Variants in PPIL4 observed in about 807,000 individuals in gnomAD.
PPIL4 encodes the protein peptidyl-prolyl cis-trans isomerase-like 4.
Under a neutral mutation model 69.1 loss-of-function variants are expected in PPIL4, and 50 were observed. The ratio of observed to expected loss-of-function variants is 0.72; its 90% CI spans 0.58 to 0.92. PPIL4 has a LOEUF of 0.92. Among genes scored for constraint, PPIL4 ranks in the 40% least tolerant of loss-of-function variants. The probability of loss-of-function intolerance (pLI) is 0.00; values close to 1 mark genes in which losing one functional copy is unlikely to be tolerated. For missense variants in PPIL4, 480 were observed against 587.9 expected (o/e 0.82, Z 1.90); for synonymous variants, 193 against 191.6 (o/e 1.01, Z -0.06).
chr6:149,512,081 A>C (rs1776853027), intron 12 of PPIL4, 74 bp downstream of exon 12: 1 of 1,269,640 alleles, frequency 7.9e-7, no homozygotes, highest in Admixed American at 2.4e-5. Context: ...CTCCTAAATT[A>C]TATCACTAAG....
At chr6:149,506,900 T>C (rs1776779083) in intron 12 of PPIL4, among the ~76,000 whole-genome samples, 1 of 152,180 alleles carries the variant, frequency 6.6e-6, no homozygotes, top group African/African-American at 2.4e-5. Context: ...ACTCAGCTGA[T>C]TAGGCTTATG....
At chr6:149,519,678 TTAA>T (rs148323598) in intron 10 of PPIL4, among the ~76,000 whole-genome samples, 3,491 of 152,288 alleles carry the variant, frequency 0.023, 117 homozygotes, top group African/African-American at 0.079. Flanking sequence ...TTTAGTCACA[TTAA>T]TAATTTCTTC....
chr6:149,538,136 C>T (rs145591165), intron 4 of PPIL4, among the ~76,000 whole-genome samples: 3,524 of 152,044 alleles, frequency 0.023, 122 homozygotes, highest in African/African-American at 0.08. Context: ...CGTAGTGGTG[C>T]ACACCTGTAA....
At chr6:149,519,388 C>G (rs1776995968) in intron 10 of PPIL4, among the ~76,000 whole-genome samples, 1 of 152,136 alleles carries the variant, frequency 6.6e-6, no homozygotes, top group African/African-American at 2.4e-5. Flanking sequence ...TTACTACTGG[C>G]CAGAACTACA....
intron 12 of PPIL4, among the ~76,000 whole-genome samples, chr6:149,510,296 C>T (rs1776823922): frequency 1.3e-5 from 2 of 151,818 alleles, no homozygotes; most frequent in African/African-American, 4.8e-5. Context: ...AAATAGTTAC[C>T]CACAGAGGGA....
At chr6:149,529,711 C>T (rs1471945627) in intron 7 of PPIL4, among the ~76,000 whole-genome samples, 1 of 144,490 alleles carries the variant, frequency 6.9e-6, no homozygotes, top group African/African-American at 2.6e-5. Context: ...TGCAGTGAGC[C>T]GAGATAATGC....
chr6:149,544,308 A>G (rs2115042557), intron 1 of PPIL4, among the ~76,000 whole-genome samples: 1 of 152,350 alleles, frequency 6.6e-6, no homozygotes, highest in African/African-American at 2.4e-5. Context: ...GAGGCAACCA[A>G]TTATTTTGTT....
intron 11 of PPIL4, among the ~76,000 whole-genome samples, chr6:149,516,136 T>C (rs547662311): frequency 4.6e-5 from 7 of 152,362 alleles, no homozygotes; most frequent in South Asian, 2.1e-4. Flanking sequence ...CTTCCAGCTA[T>C]AGTTATTAGT....
At position 149,535,596 on chromosome 6, in the gene PPIL4, C is replaced by G; in HGVS notation, c.464G>C (p.Arg155Thr). ...TTCAGATAGCAAATTGTAACCATAC[C>G]TGATATCCTGATATGGTACAAAGTC... is the stretch of plus-strand genomic sequence containing the variant. ...DKDFVPYQDI[R>T]INHTVILDDP... is the part of the protein sequence containing the mutation. The change falls in exon 5 of 13, where the codon AGG (arginine) becomes ACG (threonine). Residue 155 changes from arginine (R) to threonine (T), a missense_variant and splice_region_variant. Coordinates refer to ENST00000253329, the MANE Select transcript of PPIL4 (RefSeq NM_139126.4). The G allele has an allele frequency of 6.2e-7, 1 of 1,607,478 alleles. No individual in the cohort carries two copies. Among genetic ancestry groups the G allele is most frequent in the Non-Finnish European group, 8.5e-7 (1 of 1,176,980 alleles).
chr6:149,521,766 G>C (rs1433028632), intron 9 of PPIL4, among the ~76,000 whole-genome samples: 1 of 152,112 alleles, frequency 6.6e-6, no homozygotes, highest in African/African-American at 2.4e-5. Flanking sequence ...TCTGAATTCT[G>C]AAAAATTCTG....
chr6:149,506,444 C>T (rs539460914), intron 12 of PPIL4, among the ~76,000 whole-genome samples: 8 of 152,282 alleles, frequency 5.3e-5, no homozygotes, highest in African/African-American at 1.9e-4. Flanking sequence ...TGCACTCCAG[C>T]CTGGGCAACA....
intron 9 of PPIL4, among the ~76,000 whole-genome samples, chr6:149,524,656 T>G (rs1583207939): frequency 6.6e-6 from 1 of 152,138 alleles, no homozygotes; most frequent in Non-Finnish European, 1.5e-5. Context: ...TCCCAGCACT[T>G]TGGGAGGCCG....
chr6:149,537,233 G>A (rs1047227634), intron 4 of PPIL4, among the ~76,000 whole-genome samples: 15 of 152,106 alleles, frequency 9.9e-5, no homozygotes, highest in African/African-American at 3.1e-4. Flanking sequence ...CCATGAAGAC[G>A]AAACAGCCTT....
chr6:149,505,732 G>A, intron 12 of PPIL4, 28 bp from the exon 13 acceptor site: 1 of 1,588,540 alleles, frequency 6.3e-7, no homozygotes, highest in East Asian at 2.2e-5. Flanking sequence ...AATTACAAGT[G>A]AATCAGTAAA....
intron 12 of PPIL4, among the ~76,000 whole-genome samples, chr6:149,508,377 T>C (rs1214716480): frequency 6.6e-6 from 1 of 152,138 alleles, no homozygotes; most frequent in Admixed American, 6.5e-5. Context: ...AGTTATATTA[T>C]TTATACATTT....
At chr6:149,530,188 A>G (rs1322412128) in intron 7 of PPIL4, among the ~76,000 whole-genome samples, 1 of 152,242 alleles carries the variant, frequency 6.6e-6, no homozygotes, top group Non-Finnish European at 1.5e-5. Context: ...AATTGTTAAC[A>G]AATGTGTCAC....
At chr6:149,510,587 C>G (rs1776828499) in intron 12 of PPIL4, among the ~76,000 whole-genome samples, 1 of 151,912 alleles carries the variant, frequency 6.6e-6, no homozygotes, top group Admixed American at 6.6e-5. Context: ...AGTAAAAATA[C>G]AAAAATCAGC....
At chr6:149,537,277 T>G (rs555375232) in intron 4 of PPIL4, among the ~76,000 whole-genome samples, 31 of 152,280 alleles carry the variant, frequency 2.0e-4, no homozygotes, top group Non-Finnish European at 3.5e-4. Flanking sequence ...CTTTCACAGC[T>G]AGAGAGGAAA....
intron 5 of PPIL4, 47 bp downstream of exon 5, chr6:149,535,549 A>G (rs2115038321): frequency 1.3e-6 from 2 of 1,507,856 alleles, no homozygotes; most frequent in East Asian, 4.5e-5. Context: ...TAAACATCTC[A>G]ATATTAAAAC....
Sources: gnomAD v4.1 joint callset for allele counts (sites outside exome capture counted in the v4.1 genomes callset) on GRCh38, gnomAD v4.1.1 for gene constraint, MANE v1.5 for transcripts, NCBI Gene and HGNC (gene_info 2026-07-23, HGNC 2026-07-21) for gene names.